LCLAT1: variants seen among roughly 807,000 people sequenced by gnomAD.
The protein encoded by LCLAT1 is lysocardiolipin acyltransferase 1, also known as 1-AGP acyltransferase 8.
Under a neutral mutation model 30.7 loss-of-function variants are expected in LCLAT1, and 11 were observed. The ratio of observed to expected loss-of-function variants is 0.36; its 90% CI spans 0.23 to 0.59. The LOEUF (loss-of-function observed/expected upper bound fraction) is 0.59. LCLAT1 is among the 20% of genes least tolerant of loss of function. The pLI is 0.77. For missense variants in LCLAT1, 402 were observed against 458.6 expected (o/e 0.88, Z 1.13); for synonymous variants, 155 against 151.3 (o/e 1.02, Z -0.18).
rs1363392166 is a variant in LCLAT1 at position 30,641,839 on chromosome 2, T to C, written c.*1220T>C. The C allele has an allele frequency of 6.6e-6, 1 of 151,990 alleles. No homozygotes were observed. Among genetic ancestry groups the C allele is most frequent in the Non-Finnish European group, 1.5e-5 (1 of 67,926 alleles). 9.4% of individuals were successfully genotyped at this position (151,990 alleles called of 1,614,324 possible). On this transcript the variant is annotated 3_prime_UTR_variant, in exon 6 of 6. Coordinates refer to ENST00000379509, the MANE Select transcript of LCLAT1 (RefSeq NM_001002257.3). ...AGCACACCAAGCACCAGTCTTCTTC[T>C]GAGGCAAAAGAAAAGTGTTGTCATT...
chr2:30,597,084 C>T (rs1031482306), intron 5 of LCLAT1, among the ~76,000 whole-genome samples: 7 of 146,680 alleles, frequency 4.8e-5, no homozygotes, highest in Non-Finnish European at 9.0e-5. Context: ...TGTGATGCCT[C>T]CAGCTGTGTT....
chr2:30,630,978 G>A (rs1668740416), intron 5 of LCLAT1, among the ~76,000 whole-genome samples: 1 of 152,166 alleles, frequency 6.6e-6, no homozygotes, highest in Non-Finnish European at 1.5e-5. Context: ...AATTTCTCCT[G>A]TAAGTTGTAA....
In LCLAT1 at chr2:30,501,317, G is replaced by A. The variant is rs563430110; in HGVS notation, c.-4-24270G>A. ...AACCCCCAGTGCTTTGGTAACAAAT[G>A]CCTCTGTTTTATTTGACAAAATGGT... On this transcript the variant is annotated intron_variant, in intron 1 of 5. Transcript: ENST00000379509. 5.3e-5 allele frequency among the ~76,000 whole-genome samples: 8 copies of A among 152,160 alleles called. No homozygotes were observed. The East Asian group carries it at 1.5e-3, about 29-fold the overall frequency.
At chr2:30,611,056 G>A (rs551044574) in intron 5 of LCLAT1, among the ~76,000 whole-genome samples, 33 of 146,148 alleles carry the variant, frequency 2.3e-4, no homozygotes, top group Admixed American at 6.8e-4. Flanking sequence ...TTAAATTCTG[G>A]CTTCACCACT....
At chr2:30,532,722 A>AT (rs111936026) in intron 2 of LCLAT1, among the ~76,000 whole-genome samples, 21 of 147,402 alleles carry the variant, frequency 1.4e-4, no homozygotes, top group South Asian at 4.3e-4. Flanking sequence ...CCTTTCCGGG[A>AT]TTTTTTTTTT....
intron 1 of LCLAT1, among the ~76,000 whole-genome samples, chr2:30,514,733 C>T (rs1395181862): frequency 1.3e-5 from 2 of 152,110 alleles, no homozygotes; most frequent in African/African-American, 2.4e-5. Context: ...CATCACAGAC[C>T]TCTGTGATAC....
intron 3 of LCLAT1, among the ~76,000 whole-genome samples, chr2:30,538,771 G>A (rs1663949402): frequency 1.3e-5 from 2 of 152,034 alleles, no homozygotes; most frequent in Non-Finnish European, 2.9e-5. Context: ...CCAGCCAATT[G>A]GAAAACATAG....
chr2:30,528,757 C>T (rs2148389683), intron 2 of LCLAT1, among the ~76,000 whole-genome samples: 1 of 152,268 alleles, frequency 6.6e-6, no homozygotes. Context: ...TACCACAGTA[C>T]TAGTAAAAAA....
chr2:30,504,207 T>C (rs917963269), intron 1 of LCLAT1, among the ~76,000 whole-genome samples: 3 of 150,728 alleles, frequency 2.0e-5, no homozygotes, highest in African/African-American at 7.5e-5. Context: ...ACATATTACA[T>C]AACATAACAT....
At chr2:30,452,741 TG>T (rs1681622337) in intron 1 of LCLAT1, among the ~76,000 whole-genome samples, 1 of 152,236 alleles carries the variant, frequency 6.6e-6, no homozygotes, top group Non-Finnish European at 1.5e-5. Flanking sequence ...TAATGAGGAC[TG>T]CTGTAATTCC....
intron 3 of LCLAT1, among the ~76,000 whole-genome samples, chr2:30,553,816 C>A (rs575683940): frequency 1.3e-5 from 2 of 150,582 alleles, no homozygotes; most frequent in Non-Finnish European, 3.0e-5. Context: ...AGCGAGACTC[C>A]GTCTCAAAAA....
rs1391865227 is a variant in LCLAT1 at position 30,568,179 on chromosome 2, A to G, written c.628+3A>G. 3.3e-6 allele frequency: 5 copies of G among 1,493,288 alleles called. No homozygotes were observed. Among genetic ancestry groups the G allele is most frequent in the Non-Finnish European group, 4.6e-6 (5 of 1,088,568 alleles). 92.5% of individuals were successfully genotyped at this position (1,493,288 alleles called of 1,614,324 possible). A position where few individuals can be genotyped will look rare whatever the true frequency, so the allele number is the denominator to read the frequency against. ...TGTGGTAGACCGTCTAAGAGAAGGT[A>G]AGCACCCATTTCAAAATGTACTTTT... On this transcript the variant is annotated splice_donor_region_variant and intron_variant, in intron 5 of 5. Transcript: ENST00000379509.
chr2:30,578,093 G>T (rs1177392664), intron 5 of LCLAT1, among the ~76,000 whole-genome samples: 1 of 152,018 alleles, frequency 6.6e-6, no homozygotes, highest in Admixed American at 6.6e-5. Context: ...CTTATCTCTA[G>T]GTTCACAGCC....
intron 5 of LCLAT1, among the ~76,000 whole-genome samples, chr2:30,633,265 T>C (rs575915397): frequency 6.6e-6 from 1 of 152,354 alleles, no homozygotes; most frequent in East Asian, 1.9e-4. Flanking sequence ...CTCAAATGCA[T>C]CTTAGATGAC....
intron 5 of LCLAT1, among the ~76,000 whole-genome samples, chr2:30,639,378 G>C (rs1669190832): frequency 5.2e-5 from 1 of 19,338 alleles, no homozygotes; most frequent in African/African-American, 6.2e-4. Flanking sequence ...TAGCACTCTG[G>C]CCTGTTTAAG....
intron 1 of LCLAT1, among the ~76,000 whole-genome samples, chr2:30,492,081 T>C (rs1572519549): frequency 1.3e-5 from 2 of 152,358 alleles, no homozygotes; most frequent in South Asian, 2.1e-4. Context: ...CTTATTTAAC[T>C]TGTAGCCTAA....
At chr2:30,518,790 GC>G in intron 1 of LCLAT1, among the ~76,000 whole-genome samples, 1 of 152,152 alleles carries the variant, frequency 6.6e-6, no homozygotes, top group Non-Finnish European at 1.5e-5. Context: ...ATTCTTGTTT[GC>G]CTTTGATGAT....
At chr2:30,558,617 A>G (rs1000401129) in intron 3 of LCLAT1, among the ~76,000 whole-genome samples, 2 of 151,186 alleles carry the variant, frequency 1.3e-5, no homozygotes, top group African/African-American at 4.9e-5. Flanking sequence ...AAAAAAAAAA[A>G]AGGTGTCCAG....
rs140280073 is a variant in LCLAT1 at position 30,448,141 on chromosome 2, CTG to C, written c.-5+762_-5+763del. Reference sequence around the variant, plus strand: ...TGCATCTGCCTTTAAAGTTCATTAACTGTGTTTCTTGTGTACATGGCAGTAGA... The same window carrying C: ...TGCATCTGCCTTTAAAGTTCATTAACTGTTTCTTGTGTACATGGCAGTAGA... On this transcript the variant is annotated intron_variant, in intron 1 of 5. Coordinates refer to ENST00000379509, the MANE Select transcript of LCLAT1 (RefSeq NM_001002257.3). Among the ~76,000 whole-genome samples the C allele has an allele frequency of 1.1e-3, 169 of 152,346 alleles. 1 individual carries two copies. The highest frequency in any genetic ancestry group is 3.9e-3 in the African/African-American group (164 of 41,574).
Sources: allele counts gnomAD v4.1 joint callset (sites outside exome capture counted in the v4.1 genomes callset), GRCh38; gene constraint gnomAD v4.1.1; transcripts MANE v1.5; gene names NCBI Gene and HGNC (gene_info 2026-07-23, HGNC 2026-07-21).